The following RBFOX1 variants were observed in gnomAD, a reference collection of about 807,000 sequenced individuals.
RBFOX1 encodes RNA binding fox-1 homolog 1, also known as RNA binding protein fox-1 homolog 1.
RBFOX1 carries 8 observed loss-of-function variants against 57.7 expected under a neutral mutation model. The observed-to-expected ratio is 0.14, with a 90% CI of 0.08 to 0.25. RBFOX1 has a LOEUF of 0.25. Among genes scored for constraint, RBFOX1 ranks in the 10% least tolerant of loss-of-function variants. RBFOX1 has a pLI of 1.00. For missense variants in RBFOX1, 611 were observed against 548.5 expected (o/e 1.11, Z -1.14); for synonymous variants, 326 against 222.4 (o/e 1.47, Z -4.15).
At chr16:7,282,514 C>A (rs1465702506) in intron 4 of RBFOX1, among the ~76,000 whole-genome samples, 1 of 151,950 alleles carries the variant, frequency 6.6e-6, no homozygotes, top group African/African-American at 2.4e-5. Context: ...TGCTCTTGCA[C>A]CCTCTCCCTG....
chr16:5,477,424 A>G (rs984956887), intron 2 of RBFOX1, among the ~76,000 whole-genome samples: 1 of 152,170 alleles, frequency 6.6e-6, no homozygotes, highest in African/African-American at 2.4e-5. Context: ...TAGGAGAGAA[A>G]TGCTCAGCCC....
intron 3 of RBFOX1, among the ~76,000 whole-genome samples, chr16:5,797,115 G>A (rs1485188242): frequency 2.0e-5 from 3 of 152,196 alleles, no homozygotes; most frequent in African/African-American, 4.8e-5. Flanking sequence ...GTATAGGGAG[G>A]TCAGGGAGGG....
intron 2 of RBFOX1, among the ~76,000 whole-genome samples, chr16:6,540,186 C>G (rs2096794128): frequency 1.3e-5 from 2 of 152,112 alleles, no homozygotes; most frequent in South Asian, 2.1e-4. Context: ...TGAGGTCTAT[C>G]TTTATGTTAA....
intron 2 of RBFOX1, among the ~76,000 whole-genome samples, chr16:6,620,670 A>T (rs1226411621): frequency 6.6e-6 from 1 of 152,198 alleles, no homozygotes; most frequent in African/African-American, 2.4e-5. Flanking sequence ...ACAAGGGGGA[A>T]TATTACCCCT....
At chr16:6,473,091 C>G (rs1433498390) in intron 2 of RBFOX1, among the ~76,000 whole-genome samples, 1 of 152,138 alleles carries the variant, frequency 6.6e-6, no homozygotes, top group Non-Finnish European at 1.5e-5. Context: ...TACCCCTAGT[C>G]TTCTGCCCGG....
At chr16:6,527,540 C>T (rs1411221232) in intron 2 of RBFOX1, among the ~76,000 whole-genome samples, 1 of 152,118 alleles carries the variant, frequency 6.6e-6, no homozygotes, top group Admixed American at 6.5e-5. Context: ...TTCACTGCCT[C>T]ATTCAGGCCA....
intron 4 of RBFOX1, among the ~76,000 whole-genome samples, chr16:7,512,513 T>A (rs1315412311): frequency 6.6e-6 from 1 of 152,186 alleles, no homozygotes; most frequent in Non-Finnish European, 1.5e-5. Context: ...CTGTCAGTGT[T>A]AATAAGTAAC....
At chr16:7,404,925 T>C (rs1182031882) in intron 4 of RBFOX1, among the ~76,000 whole-genome samples, 3 of 152,300 alleles carry the variant, frequency 2.0e-5, no homozygotes, top group Middle Eastern at 3.4e-3. Context: ...TGAGTAGATA[T>C]GTGGGCGTAG....
At chr16:6,895,484 A>ATATT (rs201512914) in intron 3 of RBFOX1, among the ~76,000 whole-genome samples, 1 of 93,332 alleles carries the variant, frequency 1.1e-5, no homozygotes, top group Non-Finnish European at 2.2e-5. Flanking sequence ...ATATATATAT[A>ATATT]TATTTATTCC....
At chr16:6,591,303 G>C (rs1323257550) in intron 2 of RBFOX1, among the ~76,000 whole-genome samples, 2 of 152,000 alleles carry the variant, frequency 1.3e-5, no homozygotes, top group African/African-American at 4.8e-5. Flanking sequence ...TATTTTTTAA[G>C]TATTAGCCGG....
chr16:7,326,188 A>G (rs2096609270), intron 4 of RBFOX1, among the ~76,000 whole-genome samples: 1 of 152,168 alleles, frequency 6.6e-6, no homozygotes, highest in Non-Finnish European at 1.5e-5. Context: ...TGGCAGGCAA[A>G]CACAGGGATT....
Position 6,062,201 on chromosome 16 carries a change from C to G in RBFOX1, c.-127+42209C>G, listed in dbSNP as rs74867456. On this transcript the variant is annotated intron_variant, in intron 1 of 15. Transcript: ENST00000550418. ...GTAGCCCCACTAGTTAAGAAGCTCT[C>G]TGAACTGTCCTTTCAGGTTTTTATG... is the stretch of plus-strand genomic sequence containing the variant. 1.8e-3 allele frequency among the ~76,000 whole-genome samples: 271 copies of G among 152,238 alleles called. 1 individual carries two copies. Among genetic ancestry groups the G allele is most frequent in the African/African-American group, 6.2e-3 (257 of 41,530 alleles).
intron 4 of RBFOX1, among the ~76,000 whole-genome samples, chr16:7,443,470 C>T (rs1017482852): frequency 6.7e-6 from 1 of 148,396 alleles, no homozygotes; most frequent in African/African-American, 2.5e-5. Flanking sequence ...TATAAGATTT[C>T]AGTTCAGCGT....
chr16:6,383,143 C>T (rs947951139), intron 2 of RBFOX1, among the ~76,000 whole-genome samples: 3 of 152,218 alleles, frequency 2.0e-5, no homozygotes, highest in African/African-American at 4.8e-5. Context: ...CTATGGGCTT[C>T]GCTCCCACAA....
intron 4 of RBFOX1, among the ~76,000 whole-genome samples, chr16:7,331,949 C>G (rs1379609272): frequency 1.3e-5 from 2 of 152,050 alleles, no homozygotes; most frequent in African/African-American, 4.8e-5. Context: ...TATTTTTTAT[C>G]CATAGTTTTG....
intron 2 of RBFOX1, among the ~76,000 whole-genome samples, chr16:6,384,060 C>CTTTTTTTTTTTT (rs5815305): frequency 3.2e-5 from 4 of 126,640 alleles, no homozygotes; most frequent in Non-Finnish European, 1.7e-5. Context: ...ATTGGTTTTG[C>CTTTTTTTTTTTT]TTTTTTTTTT....
chr16:5,281,474 T>G (rs1221801559), intron 1 of RBFOX1, among the ~76,000 whole-genome samples: 5 of 152,178 alleles, frequency 3.3e-5, no homozygotes, highest in Admixed American at 2.6e-4. Flanking sequence ...ATCTAATGTT[T>G]CTTTGTTGAT....
chr16:6,849,095 G>A (rs548432656), intron 3 of RBFOX1, among the ~76,000 whole-genome samples: 3 of 152,138 alleles, frequency 2.0e-5, no homozygotes, highest in Non-Finnish European at 2.9e-5. Context: ...TGCATGAGAC[G>A]CTCCACATTT....
chr16:6,878,510 C>G (rs376141316), intron 3 of RBFOX1, among the ~76,000 whole-genome samples: 1 of 152,180 alleles, frequency 6.6e-6, no homozygotes, highest in Non-Finnish European at 1.5e-5. Context: ...AAGAAATAAA[C>G]TTTTGTTATT....
Sources: gnomAD v4.1 joint callset for allele counts (sites outside exome capture counted in the v4.1 genomes callset) on GRCh38, gnomAD v4.1.1 for gene constraint, MANE v1.5 for transcripts, NCBI Gene and HGNC (gene_info 2026-07-23, HGNC 2026-07-21) for gene names.